The following MACROD2 variants were observed in gnomAD, a reference collection of about 807,000 sequenced individuals.
MACROD2 encodes ADP-ribose glycohydrolase MACROD2.
Under a neutral mutation model 70.4 loss-of-function variants are expected in MACROD2, and 36 were observed. That is an observed-to-expected ratio of 0.51 (90% CI 0.39 to 0.68). The LOEUF is 0.68. Ranked by LOEUF, MACROD2 falls within the 30% of genes least tolerant of loss-of-function variation. The pLI, the probability that MACROD2 is intolerant of heterozygous loss-of-function variation, is 0.00. For missense variants in MACROD2, 496 were observed against 538.4 expected (o/e 0.92, Z 0.78); for synonymous variants, 172 against 178.8 (o/e 0.96, Z 0.30).
chr20:15,210,021 A>G (rs1167395551), intron 5 of MACROD2, among the ~76,000 whole-genome samples: 1 of 152,192 alleles, frequency 6.6e-6, no homozygotes, highest in Non-Finnish European at 1.5e-5. Context: ...ACATAACCAC[A>G]TCTGAGGGCT....
At chr20:14,500,351 TC>T (rs34874622) in intron 4 of MACROD2, among the ~76,000 whole-genome samples, 1 of 152,202 alleles carries the variant, frequency 6.6e-6, no homozygotes, top group Non-Finnish European at 1.5e-5. Context: ...TGCGAGCTCC[TC>T]CCCGCTTTAC....
intron 3 of MACROD2, among the ~76,000 whole-genome samples, chr20:14,437,785 A>C (rs2084074473): frequency 6.6e-6 from 1 of 152,156 alleles, no homozygotes; most frequent in Non-Finnish European, 1.5e-5. Context: ...TTTCAGTAAA[A>C]ATTGTTTGAA....
At chr20:15,806,869 CGTT>C (rs1208076858) in intron 8 of MACROD2, among the ~76,000 whole-genome samples, 1 of 152,050 alleles carries the variant, frequency 6.6e-6, no homozygotes, top group Non-Finnish European at 1.5e-5. Flanking sequence ...TGAAAGGAGA[CGTT>C]TAGGAAAATT....
intron 8 of MACROD2, among the ~76,000 whole-genome samples, chr20:15,619,174 C>T (rs900098462): frequency 3.3e-5 from 5 of 152,162 alleles, no homozygotes; most frequent in African/African-American, 7.2e-5. Flanking sequence ...ACTCCTAAAC[C>T]GTAATTTCTC....
intron 6 of MACROD2, among the ~76,000 whole-genome samples, chr20:15,319,491 G>A (rs975235895): frequency 1.3e-5 from 2 of 152,174 alleles, no homozygotes; most frequent in Admixed American, 6.5e-5. Context: ...TCTGAAAATA[G>A]CAAGTGTTGG....
chr20:15,703,160 T>G (rs1464096448), intron 8 of MACROD2, among the ~76,000 whole-genome samples: 2 of 152,226 alleles, frequency 1.3e-5, no homozygotes, highest in Admixed American at 6.5e-5. Flanking sequence ...ATTAAAGATT[T>G]AAATGTAAGA....
At chr20:15,366,660 C>G (rs1224610625) in intron 6 of MACROD2, among the ~76,000 whole-genome samples, 1 of 151,924 alleles carries the variant, frequency 6.6e-6, no homozygotes, top group East Asian at 1.9e-4. Flanking sequence ...AATCAATCCT[C>G]CTGCCTCAGC....
At position 15,899,944 on chromosome 20, in the gene MACROD2, C is replaced by T. The variant is rs548777497; in HGVS notation, c.775+14133C>T. Among the ~76,000 whole-genome samples the T allele has an allele frequency of 2.4e-3, 372 of 152,074 alleles. 1 individual carries two copies. Among genetic ancestry groups the T allele is most frequent in the South Asian group, 7.9e-3 (38 of 4,804 alleles). The stretch of plus-strand genomic sequence containing the variant: ...TATTATTTTACTAAAATAAATTTTT[C>T]TGAATACATGAACCATTTATGGAAC... On this transcript the variant is annotated intron_variant, in intron 10 of 17. Coordinates refer to ENST00000684519, the MANE Select transcript of MACROD2 (RefSeq NM_001351661.2).
intron 6 of MACROD2, among the ~76,000 whole-genome samples, chr20:15,249,286 C>T (rs1422340158): frequency 6.6e-6 from 1 of 152,166 alleles, no homozygotes; most frequent in African/African-American, 2.4e-5. Context: ...GGGTGACAGC[C>T]CAAGAGCTTC....
chr20:15,035,860 G>A (rs1363509220), intron 5 of MACROD2, among the ~76,000 whole-genome samples: 1 of 152,048 alleles, frequency 6.6e-6, no homozygotes, highest in African/African-American at 2.4e-5. Flanking sequence ...TTTCCTCTCT[G>A]GCACTGCCAG....
intron 5 of MACROD2, among the ~76,000 whole-genome samples, chr20:14,831,780 CAAAAAAAA>C (rs71190151): frequency 5.1e-4 from 19 of 37,182 alleles, no homozygotes; most frequent in East Asian, 1.2e-3. Flanking sequence ...AACTCCGTCT[CAAAAAAAA>C]AAAAAAAAAA....
chr20:15,357,695 TAGC>T (rs935147223), intron 6 of MACROD2, among the ~76,000 whole-genome samples: 4 of 152,012 alleles, frequency 2.6e-5, no homozygotes, highest in Non-Finnish European at 5.9e-5. Context: ...TGGATAAACA[TAGC>T]AGTAATCCTA....
At chr20:14,205,720 C>G (rs1275611859) in intron 3 of MACROD2, among the ~76,000 whole-genome samples, 1 of 152,210 alleles carries the variant, frequency 6.6e-6, no homozygotes, top group East Asian at 1.9e-4. Context: ...CCTCCTGTCT[C>G]TGTCACTACC....
intron 5 of MACROD2, among the ~76,000 whole-genome samples, chr20:14,832,574 G>A (rs906990769): frequency 1.4e-4 from 21 of 152,056 alleles, no homozygotes; most frequent in African/African-American, 5.1e-4. Context: ...CTACCTCTTT[G>A]GGGTGCCCCA....
At chr20:15,474,100 T>C (rs762268632) in intron 7 of MACROD2, among the ~76,000 whole-genome samples, 16 of 152,300 alleles carry the variant, frequency 1.1e-4, no homozygotes, top group Non-Finnish European at 2.1e-4. Flanking sequence ...AATAGTATCA[T>C]TGGGAGAACC....
intron 8 of MACROD2, among the ~76,000 whole-genome samples, chr20:15,557,308 G>A (rs1319807592): frequency 6.6e-6 from 1 of 152,114 alleles, no homozygotes; most frequent in Non-Finnish European, 1.5e-5. Context: ...ATACGGGTTA[G>A]GACCTCTACT....
At chr20:14,093,352 A>C (rs2054178231) in intron 3 of MACROD2, among the ~76,000 whole-genome samples, 2 of 151,952 alleles carry the variant, frequency 1.3e-5, no homozygotes, top group African/African-American at 4.8e-5. Flanking sequence ...CTCTCAAAGT[A>C]CTGGGATTAT....
At chr20:15,413,264 A>G (rs1220572418) in intron 6 of MACROD2, among the ~76,000 whole-genome samples, 1 of 152,216 alleles carries the variant, frequency 6.6e-6, no homozygotes, top group Non-Finnish European at 1.5e-5. Context: ...TCAAAGGTAA[A>G]TGAGAATCAA....
chr20:16,018,388 C>G (rs775104), intron 15 of MACROD2, among the ~76,000 whole-genome samples: 35,490 of 151,912 alleles, frequency 0.23, 4,302 homozygotes, highest in South Asian at 0.33. Flanking sequence ...GTAAGTCATC[C>G]TTTTGACTAC....
Sources: gnomAD v4.1 joint callset for allele counts (sites outside exome capture counted in the v4.1 genomes callset) on GRCh38, gnomAD v4.1.1 for gene constraint, MANE v1.5 for transcripts, NCBI Gene and HGNC (gene_info 2026-07-23, HGNC 2026-07-21) for gene names.